Variants in RASGEF1C observed in about 807,000 individuals in gnomAD.
The protein encoded by RASGEF1C is RasGEF domain family member 1C.
RASGEF1C carries 27 observed loss-of-function variants against 58.1 expected under a neutral mutation model. The ratio of observed to expected loss-of-function variants is 0.46; its 90% CI spans 0.34 to 0.64. The LOEUF (loss-of-function observed/expected upper bound fraction) is 0.64. RASGEF1C is among the 30% of genes least tolerant of loss of function. The pLI is 0.01. For missense variants in RASGEF1C, 502 were observed against 605.1 expected (o/e 0.83, Z 1.79); for synonymous variants, 243 against 246.3 (o/e 0.99, Z 0.13).
intron 1 of RASGEF1C, among the ~76,000 whole-genome samples, chr5:180,171,177 G>C (rs908997820): frequency 6.6e-6 from 1 of 152,146 alleles, no homozygotes; most frequent in South Asian, 2.1e-4. Context: ...GGAGCCAGGG[G>C]AGCACAGGGA....
chr5:180,141,517 C>T (rs1231506680), intron 1 of RASGEF1C, among the ~76,000 whole-genome samples: 3 of 152,144 alleles, frequency 2.0e-5, no homozygotes, highest in Admixed American at 6.5e-5. Context: ...TCATCACGTT[C>T]ACAGAGGCAG....
At chr5:180,110,208 G>A (rs1311595528) in intron 12 of RASGEF1C, among the ~76,000 whole-genome samples, 2 of 152,162 alleles carry the variant, frequency 1.3e-5, no homozygotes, top group Non-Finnish European at 2.9e-5. Context: ...CGCACAGCTC[G>A]CTGGGGTGGG....
chr5:180,167,702 T>C (rs986525167), intron 1 of RASGEF1C, among the ~76,000 whole-genome samples: 1 of 152,240 alleles, frequency 6.6e-6, no homozygotes, highest in African/African-American at 2.4e-5. Flanking sequence ...CCAATGTCTG[T>C]TTCATCTTAG....
At position 180,180,804 on chromosome 5, in the gene RASGEF1C, G is replaced by A. The variant is rs141106877; in HGVS notation, c.-7+28224C>T. Among the ~76,000 whole-genome samples the A allele has an allele frequency of 4.5e-3, 679 of 152,324 alleles. 5 individuals carry two copies. The highest frequency in any genetic ancestry group is 0.015 in the African/African-American group (623 of 41,588). On this transcript the variant is annotated intron_variant, in intron 1 of 13. Transcript: ENST00000361132. The stretch of plus-strand genomic sequence containing the variant: ...CGTGCAGCTAGATGAGATCTCCGAA[G>A]TGAACCAGGCCACCAGCACCCAGAT...
intron 1 of RASGEF1C, among the ~76,000 whole-genome samples, chr5:180,175,678 C>G (rs890418230): frequency 9.8e-5 from 15 of 152,360 alleles, no homozygotes; most frequent in African/African-American, 3.6e-4. Flanking sequence ...TCTATGAGCT[C>G]TAATGCAATA....
intron 11 of RASGEF1C, among the ~76,000 whole-genome samples, chr5:180,113,030 C>T (rs111946103): frequency 0.03 from 3,879 of 129,624 alleles, 76 homozygotes; most frequent in Admixed American, 0.066. Context: ...CGGGGATGGA[C>T]GGAGGGACCG....
At chr5:180,186,240 G>T (rs10071592) in intron 1 of RASGEF1C, among the ~76,000 whole-genome samples, 4,333 of 151,910 alleles carry the variant, frequency 0.029, 201 homozygotes, top group African/African-American at 0.099. Flanking sequence ...GTAGTAAAAT[G>T]ATCTCTATTC....
intron 1 of RASGEF1C, among the ~76,000 whole-genome samples, chr5:180,169,765 A>G (rs1767074606): frequency 6.6e-6 from 1 of 151,118 alleles, no homozygotes; most frequent in South Asian, 2.1e-4. Flanking sequence ...TCGTAGCCCC[A>G]TGCGCACCCC....
intron 1 of RASGEF1C, among the ~76,000 whole-genome samples, chr5:180,145,410 C>T (rs10037005): frequency 0.022 from 3,281 of 152,296 alleles, 117 homozygotes; most frequent in African/African-American, 0.074. Flanking sequence ...CGTGAGCCAC[C>T]GTGCCCGGCC....
At chr5:180,104,630 T>C (rs1765846106) in intron 12 of RASGEF1C, among the ~76,000 whole-genome samples, 1 of 152,202 alleles carries the variant, frequency 6.6e-6, no homozygotes, top group Admixed American at 6.5e-5. Flanking sequence ...CCTCTGCCAC[T>C]TTCTGGAAGA....
intron 7 of RASGEF1C, among the ~76,000 whole-genome samples, chr5:180,120,849 C>G (rs560961746): frequency 6.6e-6 from 1 of 152,084 alleles, no homozygotes. Context: ...TGTGCCTGGC[C>G]GGTGGATCTG....
At position 180,155,293 on chromosome 5, in the gene RASGEF1C, C is replaced by G. The variant is rs1430630604; in HGVS notation, c.-6-17235G>C. On this transcript the variant is annotated intron_variant, in intron 1 of 13. Transcript: ENST00000361132. The surrounding 1 kb of genome is among the most constrained non-coding windows in gnomAD (Gnocchi z 5.2). ...TCCTTTTCTCTCTCCTTGGAAGAGC[C>G]TGGAGCCTGGACACACATTTCATTT... is the stretch of plus-strand genomic sequence containing the variant. Among the ~76,000 whole-genome samples, 1 of 152,170 alleles carries G rather than the reference C, an allele frequency of 6.6e-6. No homozygotes were observed.
At chr5:180,142,122 T>C (rs1243901679) in intron 1 of RASGEF1C, among the ~76,000 whole-genome samples, 2 of 152,120 alleles carry the variant, frequency 1.3e-5, no homozygotes, top group East Asian at 1.9e-4. Flanking sequence ...GCTGTCAGCA[T>C]GAGGGGCTCA....
intron 1 of RASGEF1C, among the ~76,000 whole-genome samples, chr5:180,187,993 T>C (rs529671691): frequency 6.6e-6 from 1 of 152,208 alleles, no homozygotes; most frequent in African/African-American, 2.4e-5. Flanking sequence ...ATGCCCCAAA[T>C]AACTGAAAAC....
chr5:180,192,605 C>T (rs1436941542), intron 1 of RASGEF1C, among the ~76,000 whole-genome samples: 1 of 151,944 alleles, frequency 6.6e-6, no homozygotes, highest in African/African-American at 2.4e-5. Context: ...ATTGTAGGCA[C>T]AAATGACACG....
intron 1 of RASGEF1C, among the ~76,000 whole-genome samples, chr5:180,161,658 G>A (rs1766947720): frequency 6.6e-6 from 1 of 152,158 alleles, no homozygotes; most frequent in African/African-American, 2.4e-5. Context: ...GTGCAGCCTC[G>A]CCTCCCCAGC....
intron 1 of RASGEF1C, among the ~76,000 whole-genome samples, chr5:180,148,818 A>G (rs1271920450): frequency 6.6e-6 from 1 of 152,210 alleles, no homozygotes; most frequent in Non-Finnish European, 1.5e-5. Flanking sequence ...ATTTTTGTTA[A>G]CACAGCTTTG....
Position 180,142,842 on chromosome 5 carries a change from C to A in RASGEF1C, c.-6-4784G>T, listed in dbSNP as rs371368517. On this transcript the variant is annotated intron_variant, in intron 1 of 13. Coordinates refer to ENST00000361132, the MANE Select transcript of RASGEF1C (RefSeq NM_175062.4). ...CTGAAGTCCACTCATCAGAGGATGG[C>A]TCTGGGAACACCTGAACTGATTCCA... Among the ~76,000 whole-genome samples, 27 of 152,242 alleles carry A rather than the reference C, an allele frequency of 1.8e-4. No individual in the cohort carries two copies. In the East Asian group the frequency reaches 4.1e-3, roughly 23 times the overall value.
chr5:180,150,580 AG>A (rs1766729597), intron 1 of RASGEF1C, among the ~76,000 whole-genome samples: 1 of 151,820 alleles, frequency 6.6e-6, no homozygotes, highest in Non-Finnish European at 1.5e-5. Context: ...CTGTAATCCT[AG>A]CACTTTGGGA....
Sources: allele counts gnomAD v4.1 joint callset (sites outside exome capture counted in the v4.1 genomes callset), GRCh38; gene constraint gnomAD v4.1.1; non-coding constraint Gnocchi (gnomAD v3.1); transcripts MANE v1.5; gene names NCBI Gene and HGNC (gene_info 2026-07-23, HGNC 2026-07-21).